The following CA10 variants were observed in gnomAD, a reference collection of about 807,000 sequenced individuals.
CA10 encodes the protein carbonic anhydrase 10 (inactive).
In CA10, 14 loss-of-function variants were observed where a neutral mutation model predicts 44.2. That is an observed-to-expected ratio of 0.32 (90% CI 0.21 to 0.50). The LOEUF (loss-of-function observed/expected upper bound fraction) is 0.50, where lower values mean the gene tolerates loss of function less well. Ranked by LOEUF, CA10 falls within the 20% of genes least tolerant of loss-of-function variation. The probability of loss-of-function intolerance (pLI) is 0.99; values close to 1 mark genes in which losing one functional copy is unlikely to be tolerated. For missense variants in CA10, 350 were observed against 409.7 expected, an observed-to-expected ratio of 0.85 and a Z score of 1.26; for synonymous variants, 159 against 141.6, an observed-to-expected ratio of 1.12 and a Z score of -0.87.
At chr17:52,132,253 A>G (rs1188686022) in intron 1 of CA10, among the ~76,000 whole-genome samples, 2 of 152,162 alleles carry the variant, frequency 1.3e-5, no homozygotes, top group African/African-American at 4.8e-5. Context: ...TGTGGAAGCA[A>G]TGGAGAGGCA....
intron 1 of CA10, among the ~76,000 whole-genome samples, chr17:52,109,219 G>T (rs1169129590): frequency 6.6e-6 from 1 of 152,172 alleles, no homozygotes. Flanking sequence ...AAATCCCACA[G>T]ATAATAGTAC....
intron 1 of CA10, among the ~76,000 whole-genome samples, chr17:52,145,480 A>T (rs1989563714): frequency 6.6e-6 from 1 of 152,196 alleles, no homozygotes; most frequent in South Asian, 2.1e-4. Flanking sequence ...TAAACACAAC[A>T]TGTCCTAACT....
intron 1 of CA10, among the ~76,000 whole-genome samples, chr17:52,100,457 G>A (rs941879396): frequency 1.3e-5 from 2 of 151,806 alleles, no homozygotes; most frequent in Non-Finnish European, 2.9e-5. Context: ...AAACAGACAA[G>A]CCAACACCTA....
chr17:51,648,812 G>A (rs1284398704), intron 6 of CA10, among the ~76,000 whole-genome samples: 1 of 152,108 alleles, frequency 6.6e-6, no homozygotes, highest in Non-Finnish European at 1.5e-5. Flanking sequence ...TGTTGCGATT[G>A]GATCCATAGT....
At chr17:52,118,006 T>C (rs975576447) in intron 1 of CA10, among the ~76,000 whole-genome samples, 9 of 152,180 alleles carry the variant, frequency 5.9e-5, no homozygotes, top group African/African-American at 1.9e-4. Context: ...AAATGGAACA[T>C]TGAAGTAAAA....
intron 2 of CA10, among the ~76,000 whole-genome samples, chr17:52,060,411 AT>A (rs1987350987): frequency 6.6e-6 from 1 of 152,164 alleles, no homozygotes; most frequent in African/African-American, 2.4e-5. Flanking sequence ...TTAAAAAAAA[AT>A]CTGGAGTTTA....
At chr17:51,951,294 C>T (rs1307374470) in intron 2 of CA10, among the ~76,000 whole-genome samples, 3 of 152,070 alleles carry the variant, frequency 2.0e-5, no homozygotes, top group Non-Finnish European at 2.9e-5. Context: ...TCCTGATTTC[C>T]GTTTTAAGAA....
chr17:51,663,791 T>C (rs985353310), intron 4 of CA10, among the ~76,000 whole-genome samples: 2 of 152,192 alleles, frequency 1.3e-5, no homozygotes, highest in African/African-American at 4.8e-5. Context: ...CGTGTTAAGT[T>C]CCATAGATAA....
At chr17:51,853,191 C>A (rs1217119285) in intron 3 of CA10, among the ~76,000 whole-genome samples, 1 of 151,892 alleles carries the variant, frequency 6.6e-6, no homozygotes, top group Non-Finnish European at 1.5e-5. Flanking sequence ...TTTTAAAGTC[C>A]CAATGATGAT....
intron 2 of CA10, among the ~76,000 whole-genome samples, chr17:51,963,980 T>TA (rs1338815171): frequency 6.6e-6 from 1 of 151,988 alleles, no homozygotes; most frequent in Non-Finnish European, 1.5e-5. Flanking sequence ...GCTAGTTGGA[T>TA]AAAAAACAAG....
At chr17:51,907,521 T>C (rs1981608432) in intron 3 of CA10, among the ~76,000 whole-genome samples, 1 of 152,152 alleles carries the variant, frequency 6.6e-6, no homozygotes, top group African/African-American at 2.4e-5. Context: ...TATCTGTTCC[T>C]GACCAGATCC....
chr17:51,904,825 A>G (rs551662170), intron 3 of CA10, among the ~76,000 whole-genome samples: 1 of 151,992 alleles, frequency 6.6e-6, no homozygotes, highest in African/African-American at 2.4e-5. Context: ...TGTAATACAA[A>G]CCCTATGGAA....
At chr17:52,131,599 GAAGA>G (rs1422351717) in intron 1 of CA10, among the ~76,000 whole-genome samples, 4 of 152,182 alleles carry the variant, frequency 2.6e-5, no homozygotes, top group Non-Finnish European at 5.9e-5. Flanking sequence ...CACAAAAACA[GAAGA>G]TAGAGAGCAT....
intron 3 of CA10, among the ~76,000 whole-genome samples, chr17:51,921,940 T>C (rs189713975): frequency 2.0e-5 from 3 of 152,250 alleles, no homozygotes; most frequent in Admixed American, 2.0e-4. Context: ...TTCCATAGAG[T>C]TGAAATCACT....
chr17:51,706,877 G>T (rs753732078), intron 4 of CA10, among the ~76,000 whole-genome samples: 18 of 152,036 alleles, frequency 1.2e-4, no homozygotes, highest in Non-Finnish European at 2.5e-4. Flanking sequence ...TTAGGTCTTT[G>T]TTCATATGTC....
At chr17:52,137,825 T>C (rs1989392270) in intron 1 of CA10, among the ~76,000 whole-genome samples, 1 of 152,214 alleles carries the variant, frequency 6.6e-6, no homozygotes, top group Admixed American at 6.5e-5. Context: ...TCTATTAGAA[T>C]GCTATCAAAA....
At position 51,717,700 on chromosome 17, in the gene CA10, TGTATATATACATATATAC is replaced by T. The variant is rs1164592927; in HGVS notation, c.465+29915_465+29932del. 5.9e-4 allele frequency among the ~76,000 whole-genome samples: 40 copies of T among 67,516 alleles called. 6 individuals carry two copies. In the South Asian group the frequency reaches 7.0e-3, roughly 12 times the overall value. The allele number at this position is 67,516 out of a possible 152,430, so 44.3% of individuals were successfully genotyped here. A position where few individuals can be genotyped will look rare whatever the true frequency, so the allele number is the denominator to read the frequency against. On this transcript the variant is annotated intron_variant, in intron 4 of 8. Transcript: ENST00000451037. ...ATGTATATATGTATACATATATGCATGTATATATACATATATACGTATATATACATATATACGTATATA... is the reference window on the plus strand; with the variant it reads ...ATGTATATATGTATACATATATGCATGTATATATACATATATACGTATATA...
At chr17:51,883,803 A>G (rs1438639173) in intron 3 of CA10, among the ~76,000 whole-genome samples, 3 of 152,050 alleles carry the variant, frequency 2.0e-5, no homozygotes, top group Non-Finnish European at 4.4e-5. Flanking sequence ...TGTTAAATAC[A>G]CCTCAAAATT....
intron 2 of CA10, among the ~76,000 whole-genome samples, chr17:51,986,575 T>C (rs1226109463): frequency 1.3e-5 from 2 of 151,922 alleles, no homozygotes; most frequent in African/African-American, 4.8e-5. Flanking sequence ...GCAGACAACC[T>C]ACAGAGTGGG....
Sources: allele counts gnomAD v4.1 joint callset (sites outside exome capture counted in the v4.1 genomes callset), GRCh38; gene constraint gnomAD v4.1.1; transcripts MANE v1.5; gene names NCBI Gene and HGNC (gene_info 2026-07-23, HGNC 2026-07-21).